Variants in PTPRD observed in about 807,000 individuals in gnomAD.
PTPRD encodes receptor-type tyrosine-protein phosphatase delta.
A neutral mutation model predicts 214.5 loss-of-function variants in PTPRD; 34 were observed. The ratio of observed to expected loss-of-function variants is 0.16; its 90% CI spans 0.12 to 0.21. The LOEUF is 0.21. PTPRD is among the 10% of genes least tolerant of loss of function. The probability of loss-of-function intolerance (pLI) is 1.00; values close to 1 mark genes in which losing one functional copy is unlikely to be tolerated. For missense variants in PTPRD, 2,545 were observed against 2,398.7 expected (o/e 1.06, Z -1.27); for synonymous variants, 1,128 against 845.7 (o/e 1.33, Z -5.79).
chr9:9,875,486 T>C (rs370906715), intron 5 of PTPRD, among the ~76,000 whole-genome samples: 54 of 152,244 alleles, frequency 3.5e-4, no homozygotes, highest in African/African-American at 1.1e-3. Flanking sequence ...CTGACCAATC[T>C]ACACTGCCTT....
chr9:8,412,642 TAAG>T (rs1307059308), intron 35 of PTPRD, among the ~76,000 whole-genome samples: 1 of 152,192 alleles, frequency 6.6e-6, no homozygotes, highest in Admixed American at 6.5e-5. Context: ...GTGACTTGTA[TAAG>T]AACATCCCTG....
At chr9:9,101,200 C>CA (rs753680953) in intron 10 of PTPRD, among the ~76,000 whole-genome samples, 54 of 149,144 alleles carry the variant, frequency 3.6e-4, no homozygotes, top group Middle Eastern at 3.4e-3. Flanking sequence ...AACAAACAAA[C>CA]AAAAAAAAAT....
chr9:10,493,572 T>C (rs571701413), intron 2 of PTPRD, among the ~76,000 whole-genome samples: 1 of 152,210 alleles, frequency 6.6e-6, no homozygotes, highest in South Asian at 2.1e-4. Flanking sequence ...CTGGACCCCT[T>C]CCTTACACCT....
At chr9:9,734,604 A>G (rs543512595) in intron 6 of PTPRD, 33 bp from the exon 7 acceptor site, 1 of 152,224 alleles carries the variant, frequency 6.6e-6, no homozygotes, top group East Asian at 1.9e-4. Flanking sequence ...AAAGACAGAA[A>G]ATAAGAGTTT....
At chr9:9,484,519 T>C (rs867981) in intron 8 of PTPRD, among the ~76,000 whole-genome samples, 29,324 of 152,068 alleles carry the variant, frequency 0.19, 2,972 homozygotes, top group Non-Finnish European at 0.23. Context: ...GCATTCAAGA[T>C]TCATGTTTGT....
chr9:10,067,784 G>A (rs571307791), intron 3 of PTPRD, among the ~76,000 whole-genome samples: 5 of 151,758 alleles, frequency 3.3e-5, no homozygotes, highest in Admixed American at 2.0e-4. Context: ...CACCCCAACA[G>A]CACAAACGAG....
At chr9:8,678,151 G>T (rs1338109121) in intron 12 of PTPRD, among the ~76,000 whole-genome samples, 2 of 152,142 alleles carry the variant, frequency 1.3e-5, no homozygotes, top group Non-Finnish European at 2.9e-5. Flanking sequence ...TAAACATCCA[G>T]AAAACTGCTT....
chr9:8,532,947 T>C (rs2076082728), intron 14 of PTPRD, among the ~76,000 whole-genome samples: 1 of 151,972 alleles, frequency 6.6e-6, no homozygotes. Context: ...TAACTTCCCA[T>C]TGTGGTAGAA....
At chr9:10,328,058 T>C (rs1336281643) in intron 3 of PTPRD, among the ~76,000 whole-genome samples, 1 of 151,544 alleles carries the variant, frequency 6.6e-6, no homozygotes, top group Admixed American at 6.6e-5. Flanking sequence ...TGAGCTTCCA[T>C]CTTTAAAGCA....
intron 3 of PTPRD, among the ~76,000 whole-genome samples, chr9:10,148,266 C>T (rs2154275331): frequency 6.6e-6 from 1 of 152,234 alleles, no homozygotes; most frequent in South Asian, 2.1e-4. Context: ...TATTCTTAAT[C>T]TATTTTACTT....
At chr9:9,343,432 G>A (rs1354024158) in intron 9 of PTPRD, among the ~76,000 whole-genome samples, 1 of 152,026 alleles carries the variant, frequency 6.6e-6, no homozygotes, top group African/African-American at 2.4e-5. Context: ...TGGTGTGAGT[G>A]GTATCTCACT....
chr9:8,953,403 A>T (rs1202128010), intron 11 of PTPRD, among the ~76,000 whole-genome samples: 1 of 151,912 alleles, frequency 6.6e-6, no homozygotes, highest in Non-Finnish European at 1.5e-5. Context: ...TTCACACAGA[A>T]CCTAGGAAAT....
At chr9:8,860,651 T>C (rs1008276017) in intron 11 of PTPRD, 1 of 152,212 alleles carries the variant, frequency 6.6e-6, no homozygotes, top group Admixed American at 6.5e-5. Context: ...TCAGAGCAGA[T>C]TGGCAACAAA....
chr9:9,869,751 C>CA (rs980230123), intron 5 of PTPRD, among the ~76,000 whole-genome samples: 2 of 151,372 alleles, frequency 1.3e-5, no homozygotes, highest in Non-Finnish European at 3.0e-5. Context: ...AAATTAGTAA[C>CA]AAAAACAGTT....
chr9:10,049,252 G>C (rs1215735718), intron 3 of PTPRD, among the ~76,000 whole-genome samples: 1 of 152,016 alleles, frequency 6.6e-6, no homozygotes, highest in East Asian at 1.9e-4. Flanking sequence ...CATTTTTCCA[G>C]GACAGACATT....
chr9:8,946,529 G>C (rs1048443401), intron 11 of PTPRD, among the ~76,000 whole-genome samples: 17 of 152,196 alleles, frequency 1.1e-4, no homozygotes, highest in African/African-American at 4.1e-4. Context: ...ACTCTTGGTA[G>C]CTGTAGCTGA....
intron 14 of PTPRD, among the ~76,000 whole-genome samples, chr9:8,538,793 C>T (rs532166954): frequency 2.0e-5 from 3 of 151,910 alleles, no homozygotes; most frequent in South Asian, 4.1e-4. Context: ...CAGTAATACC[C>T]AGTAGCAATG....
Position 8,934,520 on chromosome 9 carries a change from A to AAAAT in PTPRD, c.-104+84176_-104+84177insATTT, listed in dbSNP as rs376937451. On this transcript the variant is annotated intron_variant, in intron 11 of 45. Coordinates refer to ENST00000381196, the MANE Select transcript of PTPRD (RefSeq NM_002839.4). ...ATATATATATAAATATATATATATA[A>AAAAT]ATATATATATATATGGGAAACCATA... 1.7e-3 allele frequency among the ~76,000 whole-genome samples: 29 copies of AAAAT among 17,060 alleles called. 3 individuals carry two copies. The East Asian group carries it at 0.042, about 25-fold the overall frequency. The allele number at this position is 17,060 out of a possible 152,430, so 11.2% of individuals were successfully genotyped here.
At chr9:8,905,415 G>A (rs1409022902) in intron 11 of PTPRD, among the ~76,000 whole-genome samples, 1 of 151,902 alleles carries the variant, frequency 6.6e-6, no homozygotes, top group Non-Finnish European at 1.5e-5. Context: ...GTGCAAAAAA[G>A]ATGAGGACTA....
Sources: gnomAD v4.1 joint callset for allele counts (sites outside exome capture counted in the v4.1 genomes callset) on GRCh38, gnomAD v4.1.1 for gene constraint, MANE v1.5 for transcripts, NCBI Gene and HGNC (gene_info 2026-07-23, HGNC 2026-07-21) for gene names.